The following INPP5A variants were observed in gnomAD, a reference collection of about 807,000 sequenced individuals.
The protein encoded by INPP5A is inositol polyphosphate-5-phosphatase A.
Under a neutral mutation model 65.2 loss-of-function variants are expected in INPP5A, and 14 were observed. The ratio of observed to expected loss-of-function variants is 0.21; its 90% CI spans 0.14 to 0.34. The LOEUF (loss-of-function observed/expected upper bound fraction) is 0.34. Among genes scored for constraint, INPP5A ranks in the 10% least tolerant of loss-of-function variants. INPP5A has a pLI of 1.00. For synonymous variants in INPP5A, 207 were observed against 208.3 expected (o/e 0.99, Z 0.05); for missense variants, 431 against 545.6 (o/e 0.79, Z 2.09).
At chr10:132,576,159 G>A (rs933160464) in intron 1 of INPP5A, among the ~76,000 whole-genome samples, 13 of 152,222 alleles carry the variant, frequency 8.5e-5, no homozygotes, top group Admixed American at 3.9e-4. Flanking sequence ...CAGGCTCCAG[G>A]TTGAGGCCAG....
chr10:132,571,171 G>A (rs905958872), intron 1 of INPP5A, among the ~76,000 whole-genome samples: 32 of 152,386 alleles, frequency 2.1e-4, no homozygotes, highest in Middle Eastern at 3.4e-3. Flanking sequence ...GCAGCTACCT[G>A]GGAATGCAGC....
chr10:132,737,251 C>G (rs201384994), intron 9 of INPP5A, among the ~76,000 whole-genome samples: 2 of 152,312 alleles, frequency 1.3e-5, no homozygotes, highest in East Asian at 3.9e-4. Flanking sequence ...GGGCAGGTGG[C>G]AGGGACGGTC....
At chr10:132,759,822 C>A (rs1846699092) in intron 11 of INPP5A, among the ~76,000 whole-genome samples, 1 of 152,186 alleles carries the variant, frequency 6.6e-6, no homozygotes, top group Admixed American at 6.5e-5. Context: ...CCTCAGAGCC[C>A]CCCGGCCCTG....
At chr10:132,778,591 G>A (rs1350356679) in intron 13 of INPP5A, among the ~76,000 whole-genome samples, 2 of 152,212 alleles carry the variant, frequency 1.3e-5, no homozygotes, top group Non-Finnish European at 2.9e-5. Context: ...GCTTGCGGGT[G>A]TGCGTGGGAA....
intron 4 of INPP5A, among the ~76,000 whole-genome samples, chr10:132,667,414 T>C (rs938473796): frequency 6.6e-6 from 1 of 152,246 alleles, no homozygotes; most frequent in Non-Finnish European, 1.5e-5. Flanking sequence ...TCATCTATTA[T>C]CACAATAATT....
At chr10:132,591,307 A>G in intron 1 of INPP5A, among the ~76,000 whole-genome samples, 1 of 141,076 alleles carries the variant, frequency 7.1e-6, no homozygotes, top group South Asian at 2.5e-4. Flanking sequence ...TTTGAGTCAT[A>G]GTTTATTTTT....
At chr10:132,568,037 A>C (rs978000649) in intron 1 of INPP5A, among the ~76,000 whole-genome samples, 6 of 152,038 alleles carry the variant, frequency 3.9e-5, no homozygotes, top group Admixed American at 2.6e-4. Flanking sequence ...CTGAAAATAC[A>C]AAAATTAGCT....
chr10:132,628,792 C>A (rs1029883277), intron 2 of INPP5A, among the ~76,000 whole-genome samples: 1 of 152,138 alleles, frequency 6.6e-6, no homozygotes, highest in African/African-American at 2.4e-5. Flanking sequence ...TCTAGCCCAG[C>A]CCCATCCAAT....
chr10:132,764,348 C>G (rs535342374), intron 11 of INPP5A, among the ~76,000 whole-genome samples: 1 of 151,634 alleles, frequency 6.6e-6, no homozygotes, highest in African/African-American at 2.4e-5. Flanking sequence ...GCATGGTGAC[C>G]GCACAGGAAC....
rs33999092 is a variant in INPP5A, at chr10:132,726,827, T to C, written c.654T>C (p.Ile218=). 18,756 of 1,599,450 alleles carry C rather than the reference T, an allele frequency of 0.012. 1,643 individuals carry two copies. In the African/African-American group the frequency reaches 0.21, roughly 18 times the overall value. ...GTCCTCTTTTTCTTTCCAGAATCAT[T>C]GATCAGCGATTCGAGAAGGTTTCCT... ...KALGYVLDRI[I]DQRFEKVSYF... is the part of the protein sequence containing the mutation. Residue 218 remains isoleucine, a synonymous_variant, in exon 9 of 16, where the codon ATT becomes ATC. Coordinates refer to ENST00000368594, the MANE Select transcript of INPP5A (RefSeq NM_005539.5).
At chr10:132,722,455 G>A (rs757604977) in intron 8 of INPP5A, among the ~76,000 whole-genome samples, 8 of 152,172 alleles carry the variant, frequency 5.3e-5, no homozygotes, top group East Asian at 3.9e-4. Flanking sequence ...TGAGACTGCC[G>A]ATGACGCTCT....
chr10:132,642,664 G>T (rs2072441115), intron 2 of INPP5A, among the ~76,000 whole-genome samples: 3 of 152,190 alleles, frequency 2.0e-5, no homozygotes, highest in African/African-American at 7.2e-5. Flanking sequence ...TTGCTGAGGA[G>T]CTCATCCATG....
Position 132,551,829 on chromosome 10 carries a change from C to G in INPP5A, c.75+13658C>G, listed in dbSNP as rs1466829017. Among the ~76,000 whole-genome samples the G allele has an allele frequency of 6.6e-6, 1 of 152,198 alleles. No homozygotes were observed. Among genetic ancestry groups the G allele is most frequent in the East Asian group, 1.9e-4 (1 of 5,192 alleles). On this transcript the variant is annotated intron_variant, in intron 1 of 15. Coordinates refer to ENST00000368594, the MANE Select transcript of INPP5A (RefSeq NM_005539.5). This position sits in a 1 kb window ranked among gnomAD's most constrained non-coding sequence, Gnocchi z 5.3. ...GACTGTCAGAAGAGCCAGCCGGGGT[C>G]TTCTCTGAATAGTCGGCTGCACGAT...
At chr10:132,585,324 C>T (rs773968222) in intron 1 of INPP5A, among the ~76,000 whole-genome samples, 8 of 152,182 alleles carry the variant, frequency 5.3e-5, no homozygotes, top group Non-Finnish European at 1.0e-4. Context: ...TATGTCATTG[C>T]GGTCAGAAAC....
At chr10:132,582,415 CTT>C (rs34719567) in intron 1 of INPP5A, among the ~76,000 whole-genome samples, 199 of 132,796 alleles carry the variant, frequency 1.5e-3, no homozygotes, top group East Asian at 1.8e-3. Context: ...TTGTTGATAA[CTT>C]TTTTTTTTTT....
At chr10:132,601,281 G>A (rs1040282855) in intron 1 of INPP5A, among the ~76,000 whole-genome samples, 6 of 152,250 alleles carry the variant, frequency 3.9e-5, no homozygotes, top group East Asian at 3.9e-4. Flanking sequence ...TCATGTGCAC[G>A]TTGACCATTT....
At chr10:132,733,909 G>A (rs1367518651) in intron 9 of INPP5A, among the ~76,000 whole-genome samples, 1 of 152,224 alleles carries the variant, frequency 6.6e-6, no homozygotes, top group African/African-American at 2.4e-5. Context: ...AGAACTGACA[G>A]GAGTGCCTGG....
rs142984810 is a variant in INPP5A, at chr10:132,738,601, C to G, written c.733-10916C>G. Among the ~76,000 whole-genome samples the G allele has an allele frequency of 2.6e-3, 393 of 152,366 alleles. 3 individuals are homozygous for G. Among genetic ancestry groups the G allele is most frequent in the Middle Eastern group, 0.014 (4 of 294 alleles). The stretch of plus-strand genomic sequence containing the variant: ...GAGAAAGAGACCCGCCGCCTTCTTC[C>G]CAGAAAGTCTGTTGAGCTCTAGCTG... On this transcript the variant is annotated intron_variant, in intron 9 of 15. Transcript: ENST00000368594.
intron 9 of INPP5A, among the ~76,000 whole-genome samples, chr10:132,728,849 C>A (rs2134587279): frequency 6.6e-6 from 1 of 152,310 alleles, no homozygotes; most frequent in South Asian, 2.1e-4. Flanking sequence ...GTGAAGGGAG[C>A]CAGCTGCTGA....
Sources: allele counts gnomAD v4.1 joint callset (sites outside exome capture counted in the v4.1 genomes callset), GRCh38; gene constraint gnomAD v4.1.1; non-coding constraint Gnocchi (gnomAD v3.1); transcripts MANE v1.5; gene names NCBI Gene and HGNC (gene_info 2026-07-23, HGNC 2026-07-21).